GSDME: variants seen among roughly 807,000 people sequenced by gnomAD.
GSDME encodes the protein gasdermin E.
A neutral mutation model predicts 47.5 loss-of-function variants in GSDME; 44 were observed. The observed-to-expected ratio is 0.93, with a 90% confidence interval of 0.73 to 1.19. The LOEUF is 1.19. GSDME is among the 50% of genes most tolerant of loss of function. The probability of loss-of-function intolerance (pLI) is 0.00; values close to 1 mark genes in which losing one functional copy is unlikely to be tolerated. For missense variants in GSDME, 663 were observed against 604.2 expected, an observed-to-expected ratio of 1.10 and a Z score of -1.02; for synonymous variants, 258 against 252.8, an observed-to-expected ratio of 1.02 and a Z score of -0.20.
intron 2 of GSDME, among the ~76,000 whole-genome samples, chr7:24,746,168 C>G (rs908363060): frequency 1.3e-5 from 2 of 152,176 alleles, no homozygotes; most frequent in East Asian, 3.9e-4. Flanking sequence ...ATTTATAAAA[C>G]AGAGAATCAT....
the GSDME span, among the ~76,000 whole-genome samples, chr7:24,764,657 T>A: frequency 2.0e-5 from 3 of 152,308 alleles, no homozygotes; most frequent in African/African-American, 7.2e-5. This position sits in a 1 kb window ranked among gnomAD's most constrained non-coding sequence, Gnocchi z 4.4. Flanking sequence ...CATGGCTGTT[T>A]GATGATTTTG....
chr7:24,783,032 G>T, the GSDME span, among the ~76,000 whole-genome samples: 1 of 152,224 alleles, frequency 6.6e-6, no homozygotes, highest in African/African-American at 2.4e-5. Context: ...CTTAAAAGAA[G>T]ACAGTGGGAT....
chr7:24,765,933 A>T, the GSDME span, among the ~76,000 whole-genome samples: 1 of 152,186 alleles, frequency 6.6e-6, no homozygotes, highest in East Asian at 1.9e-4. Flanking sequence ...ATATATGAGG[A>T]TCTGAACTCA....
chr7:24,753,016 C>G (rs574161284), intron 1 of GSDME, among the ~76,000 whole-genome samples: 2 of 151,688 alleles, frequency 1.3e-5, no homozygotes, highest in African/African-American at 4.8e-5. Context: ...CATCTAACAT[C>G]AAACAGCTAA....
At chr7:24,781,086 C>T in the GSDME span, among the ~76,000 whole-genome samples, 15 of 152,296 alleles carry the variant, frequency 9.8e-5, 1 homozygote, top group South Asian at 3.1e-3. Context: ...AAAAGCGCAT[C>T]TTTCTCAGAT....
At chr7:24,709,977 C>A (rs1202861350) in intron 6 of GSDME, among the ~76,000 whole-genome samples, 1 of 152,228 alleles carries the variant, frequency 6.6e-6, no homozygotes, top group Non-Finnish European at 1.5e-5. Context: ...CAGTCTCCGA[C>A]CCCTACCCCA....
At chr7:24,780,752 G>C in the GSDME span, among the ~76,000 whole-genome samples, 1 of 152,230 alleles carries the variant, frequency 6.6e-6, no homozygotes, top group East Asian at 1.9e-4. This position sits in a 1 kb window ranked among gnomAD's most constrained non-coding sequence, Gnocchi z 4.1. Context: ...GCAAGCGGCA[G>C]AGCAGGGTCT....
At chr7:24,707,175 A>C (rs77096632) in intron 7 of GSDME, 4 of 380,356 alleles carry the variant, frequency 1.1e-5, no homozygotes, top group Non-Finnish European at 2.1e-5. Flanking sequence ...ATTTCAAGAG[A>C]GAAAAATAAT....
chr7:24,766,191 G>GTGTGTGTT, the GSDME span, among the ~76,000 whole-genome samples: 4 of 147,634 alleles, frequency 2.7e-5, no homozygotes, highest in African/African-American at 9.8e-5. The surrounding 1 kb of genome is among the most constrained non-coding windows in gnomAD (Gnocchi z 4.2). Flanking sequence ...ATTTGTGTGT[G>GTGTGTGTT]TGTGTGTGTG....
At chr7:24,791,218 G>A in the GSDME span, among the ~76,000 whole-genome samples, 2 of 150,010 alleles carry the variant, frequency 1.3e-5, no homozygotes, top group Admixed American at 1.3e-4. This position sits in a 1 kb window ranked among gnomAD's most constrained non-coding sequence, Gnocchi z 4.8. Context: ...AGAGGGCTAT[G>A]TTCTAATCCT....
In GSDME at chr7:24,726,336, C is replaced by A. The variant is rs373222251; in HGVS notation, c.405-7118G>T. Among the ~76,000 whole-genome samples the A allele has an allele frequency of 6.6e-6, 1 of 152,092 alleles. No individual in the cohort carries two copies. Among genetic ancestry groups the A allele is most frequent in the Non-Finnish European group, 1.5e-5 (1 of 68,012 alleles). ...CTTTACCAAAGCATAAAGGAGGTCC[C>A]GGGGATGCCTCCTGCAGAGACACAG... On this transcript the variant is annotated intron_variant, in intron 3 of 9. Transcript: ENST00000645220. The surrounding 1 kb of genome is among the most constrained non-coding windows in gnomAD (Gnocchi z 5.6).
chr7:24,726,832 C>T lies in GSDME; in HGVS notation c.405-7614G>A, dbSNP rs1233886957. On this transcript the variant is annotated intron_variant, in intron 3 of 9. Coordinates refer to ENST00000645220, the MANE Select transcript of GSDME (RefSeq NM_001127453.2). The surrounding 1 kb of genome is among the most constrained non-coding windows in gnomAD (Gnocchi z 5.6). ...AAAAAAAAAAAAAAAAACCAATGGC[C>T]TCGAGGAAGAGTTTCCAATGGAAAC... Among the ~76,000 whole-genome samples, 1 of 151,204 alleles carries T rather than the reference C, an allele frequency of 6.6e-6. No homozygotes were observed. Among genetic ancestry groups the T allele is most frequent in the Non-Finnish European group, 1.5e-5 (1 of 67,856 alleles).
Position 24,698,652 on chromosome 7 carries a change from A to AAAAG in GSDME, c.*370_*373dup. 3.1e-6 allele frequency: 1 copy of AAAAG among 319,414 alleles called. No individual in the cohort carries two copies. The allele number at this position is 319,414 out of a possible 1,614,324, so 19.8% of individuals were successfully genotyped here. A position where few individuals can be genotyped will look rare whatever the true frequency, so the allele number is the denominator to read the frequency against. On this transcript the variant is annotated 3_prime_UTR_variant, in exon 10 of 10. Transcript: ENST00000645220. ...GCCTTCCCACAGCATTCACAATGTA[A>AAAAG]AAAGACCTTTTGGATTAAAGGGTCA...
At chr7:24,729,830 G>A (rs1430641188) in intron 3 of GSDME, among the ~76,000 whole-genome samples, 3 of 152,192 alleles carry the variant, frequency 2.0e-5, no homozygotes, top group Non-Finnish European at 2.9e-5. Flanking sequence ...GAGCACAGAA[G>A]GCATGGCTGG....
the GSDME span, among the ~76,000 whole-genome samples, chr7:24,775,352 T>A: frequency 6.6e-6 from 1 of 152,254 alleles, no homozygotes; most frequent in African/African-American, 2.4e-5. Context: ...TACTAATTTC[T>A]GTACTATAAA....
At chr7:24,741,080 T>C (rs1048885690) in intron 3 of GSDME, among the ~76,000 whole-genome samples, 3 of 152,012 alleles carry the variant, frequency 2.0e-5, no homozygotes, top group African/African-American at 7.3e-5. Context: ...TCCAACTATC[T>C]CACCTACAGC....
chr7:24,747,844 T>C (rs1032925545), intron 2 of GSDME, among the ~76,000 whole-genome samples: 1 of 151,948 alleles, frequency 6.6e-6, no homozygotes, highest in Non-Finnish European at 1.5e-5. Flanking sequence ...ATTTTTCTAT[T>C]TTTTTGTAGA....
At chr7:24,722,478 A>G (rs985896807) in intron 3 of GSDME, among the ~76,000 whole-genome samples, 1 of 152,202 alleles carries the variant, frequency 6.6e-6, no homozygotes, top group Non-Finnish European at 1.5e-5. Context: ...CTATTGCTCA[A>G]AATTCTAGCA....
intron 2 of GSDME, among the ~76,000 whole-genome samples, chr7:24,747,755 C>A (rs925236226): frequency 6.6e-6 from 1 of 152,112 alleles, no homozygotes; most frequent in Admixed American, 6.5e-5. Context: ...TCAGCCTCAA[C>A]CCCCTGGGTT....
Sources: allele counts gnomAD v4.1 joint callset (sites outside exome capture counted in the v4.1 genomes callset), GRCh38; gene constraint gnomAD v4.1.1; non-coding constraint Gnocchi (gnomAD v3.1); transcripts MANE v1.5; gene names NCBI Gene and HGNC (gene_info 2026-07-23, HGNC 2026-07-21).